TPST2: variants seen among roughly 807,000 people sequenced by gnomAD.
The protein encoded by TPST2 is tyrosylprotein sulfotransferase 2, also known as protein-tyrosine sulfotransferase 2.
In TPST2, 16 loss-of-function variants were observed where a neutral mutation model predicts 27.8. The observed-to-expected ratio is 0.58, with a 90% CI of 0.39 to 0.88. TPST2 has a LOEUF of 0.88. TPST2 is among the 40% of genes least tolerant of loss of function. TPST2 has a pLI of 0.00. For missense variants in TPST2, 464 were observed against 543.1 expected (o/e 0.85, Z 1.45); for synonymous variants, 229 against 231.7 (o/e 0.99, Z 0.10).
chr22:26,554,636 C>A (rs909023564), intron 1 of TPST2, among the ~76,000 whole-genome samples: 1 of 152,212 alleles, frequency 6.6e-6, no homozygotes, highest in Non-Finnish European at 1.5e-5. Flanking sequence ...AGGCCATTAA[C>A]ACTTGTGAAG....
At position 26,524,401 on chromosome 22, in the gene TPST2, G is replaced by C. The variant is rs549249441; in HGVS notation, c.*1874C>G. On this transcript the variant is annotated 3_prime_UTR_variant, in exon 7 of 7. Transcript: ENST00000338754. ...GTGGTGGCACATGCCCAGCTACTCA[G>C]GAGGCTAAGATGGGAGGATCACCTG... is the stretch of plus-strand genomic sequence containing the variant. 1 of 152,176 alleles carries C rather than the reference G, an allele frequency of 6.6e-6. No homozygotes were observed. The highest frequency in any genetic ancestry group is 1.5e-5 in the Non-Finnish European group (1 of 68,060). The allele number at this position is 152,176 out of a possible 1,614,324, so 9.4% of individuals were successfully genotyped here. A position where few individuals can be genotyped will look rare whatever the true frequency, so the allele number is the denominator to read the frequency against.
At chr22:26,544,773 C>G (rs1375007025) in intron 1 of TPST2, 98 bp from the exon 2 acceptor site, 2 of 620,198 alleles carry the variant, frequency 3.2e-6, no homozygotes, top group Admixed American at 6.3e-5. Context: ...CCCAAGAGCA[C>G]TGGACAGTGA....
intron 4 of TPST2, among the ~76,000 whole-genome samples, 195 bp from the exon 5 acceptor site, chr22:26,532,940 G>C (rs1602252428): frequency 6.6e-6 from 1 of 152,130 alleles, no homozygotes; most frequent in East Asian, 1.9e-4. Flanking sequence ...ATGTTAACCA[G>C]ATAATGGAAA....
chr22:26,559,084 G>A (rs1198068667), intron 1 of TPST2, among the ~76,000 whole-genome samples: 1 of 152,226 alleles, frequency 6.6e-6, no homozygotes, highest in East Asian at 1.9e-4. Flanking sequence ...TACAGTTCAT[G>A]GGCCCGGCGC....
At position 26,566,312 on chromosome 22, in the gene TPST2, G is replaced by C. The variant is rs187221063; in HGVS notation, c.-160-21637C>G. Reference sequence around the variant, plus strand: ...TCACGCCTGTAATCCCAGCACTTTGGGGGGCCGAGGAAGGCGGATCACAAG... The same window carrying C: ...TCACGCCTGTAATCCCAGCACTTTGCGGGGCCGAGGAAGGCGGATCACAAG... On this transcript the variant is annotated intron_variant, in intron 1 of 6. Coordinates refer to ENST00000338754, the MANE Select transcript of TPST2 (RefSeq NM_003595.5). Among the ~76,000 whole-genome samples, 353 of 152,262 alleles carry C rather than the reference G, an allele frequency of 2.3e-3. 4 individuals are homozygous for C. The South Asian group carries it at 0.024, about 10-fold the overall frequency.
intron 1 of TPST2, chr22:26,555,188 C>G: frequency 1.9e-6 from 1 of 533,780 alleles, no homozygotes; most frequent in Non-Finnish European, 3.8e-6. Context: ...CTTGCTCCCT[C>G]TCTGTGAAAC....
At chr22:26,550,486 A>G in intron 1 of TPST2, 1 of 649,576 alleles carries the variant, frequency 1.5e-6, no homozygotes, top group Non-Finnish European at 1.9e-6. Context: ...CTCCAAGCTC[A>G]GCAGATCAGG....
intron 4 of TPST2, among the ~76,000 whole-genome samples, chr22:26,534,672 T>C (rs1266852751): frequency 6.6e-6 from 1 of 152,198 alleles, no homozygotes; most frequent in African/African-American, 2.4e-5. Context: ...ACTACTGCAG[T>C]GTCCCCAGCC....
At position 26,524,426 on chromosome 22, in the gene TPST2, G is replaced by A. The variant is rs1924720283; in HGVS notation, c.*1849C>T. ...GGAGGCTAAGATGGGAGGATCACCT[G>A]ACCCTAGGAGACCGAGGCTGCAGTG... On this transcript the variant is annotated 3_prime_UTR_variant, in exon 7 of 7. Coordinates refer to ENST00000338754, the MANE Select transcript of TPST2 (RefSeq NM_003595.5). 1 of 152,206 alleles carries A rather than the reference G, an allele frequency of 6.6e-6. No homozygotes were observed. The highest frequency in any genetic ancestry group is 2.4e-5 in the African/African-American group (1 of 41,432). The allele number at this position is 152,206 out of a possible 1,614,324, so 9.4% of individuals were successfully genotyped here. A position where few individuals can be genotyped will look rare whatever the true frequency, so the allele number is the denominator to read the frequency against.
In TPST2 at chr22:26,524,757, G is replaced by A. The variant is rs1176309382; in HGVS notation, c.*1518C>T. On this transcript the variant is annotated 3_prime_UTR_variant, in exon 7 of 7. Coordinates refer to ENST00000338754, the MANE Select transcript of TPST2 (RefSeq NM_003595.5). Reference sequence around the variant, plus strand: ...AGGCCCAGTTGGTCCCTCAGCATTTGGGGACTGTGCTATAAGGGTTAACTC... The same window carrying A: ...AGGCCCAGTTGGTCCCTCAGCATTTAGGGACTGTGCTATAAGGGTTAACTC... 6.6e-6 allele frequency: 1 copy of A among 152,212 alleles called. No individual in the cohort carries two copies. The highest frequency in any genetic ancestry group is 1.5e-5 in the Non-Finnish European group (1 of 68,044). The allele number at this position is 152,212 out of a possible 1,614,324, so 9.4% of individuals were successfully genotyped here.
intron 5 of TPST2, among the ~76,000 whole-genome samples, chr22:26,530,413 T>TA (rs1925086936): frequency 6.6e-6 from 1 of 152,212 alleles, no homozygotes; most frequent in African/African-American, 2.4e-5. Context: ...GTTTACTGAC[T>TA]GCTTACCTAA....
chr22:26,567,642 T>C (rs771518939), intron 1 of TPST2, among the ~76,000 whole-genome samples: 2 of 152,130 alleles, frequency 1.3e-5, no homozygotes, highest in African/African-American at 2.4e-5. Context: ...AAGTCATGCA[T>C]GAAAAAAGAT....
Position 26,532,681 on chromosome 22 carries a change from T to C in TPST2, c.1092+14A>G, listed in dbSNP as rs768600050. 6 of 1,613,798 alleles carry C rather than the reference T, an allele frequency of 3.7e-6. No individual in the cohort carries two copies. Among genetic ancestry groups the C allele is most frequent in the Admixed American group, 1.7e-5 (1 of 60,002 alleles). ...AGAAAGACAGAATTCGGAATTCCCC[T>C]TGGGGTTTCTAACCTGAAAATATCC... On this transcript the variant is annotated intron_variant, in intron 5 of 6. Transcript: ENST00000338754.
chr22:26,545,367 A>C (rs950492577), intron 1 of TPST2, among the ~76,000 whole-genome samples: 1 of 152,178 alleles, frequency 6.6e-6, no homozygotes, highest in Non-Finnish European at 1.5e-5. Flanking sequence ...CCTAACACTT[A>C]ATCTCCCATG....
At chr22:26,566,557 AAAAGAAAAAGAC>A (rs1927771039) in intron 1 of TPST2, among the ~76,000 whole-genome samples, 1 of 151,974 alleles carries the variant, frequency 6.6e-6, no homozygotes, top group African/African-American at 2.4e-5. Context: ...GTCTCAAAAA[AAAAGAAAAAGAC>A]AAAGAAAAAG....
At chr22:26,549,300 C>A (rs976949392) in intron 1 of TPST2, among the ~76,000 whole-genome samples, 1 of 152,132 alleles carries the variant, frequency 6.6e-6, no homozygotes, top group African/African-American at 2.4e-5. Context: ...AGAGGAAAGG[C>A]CAGTTTCCAA....
chr22:26,535,535 T>C (rs1925405206), intron 4 of TPST2, among the ~76,000 whole-genome samples: 1 of 152,206 alleles, frequency 6.6e-6, no homozygotes, highest in Admixed American at 6.5e-5. Context: ...CTCAGCACTT[T>C]GGGAAGAGTG....
chr22:26,522,213 G>C lies in TPST2; in HGVS notation c.*4062C>G, dbSNP rs527540577. 1 of 151,006 alleles carries C rather than the reference G, an allele frequency of 6.6e-6. No individual in the cohort carries two copies. Among genetic ancestry groups the C allele is most frequent in the East Asian group, 2.0e-4 (1 of 5,094 alleles). 9.4% of individuals were successfully genotyped at this position (151,006 alleles called of 1,614,324 possible). On this transcript the variant is annotated 3_prime_UTR_variant, in exon 7 of 7. Coordinates refer to ENST00000338754, the MANE Select transcript of TPST2 (RefSeq NM_003595.5). Reference sequence around the variant, plus strand: ...CATTTTACAGAAGAGGAAAACTGAGGCTCAGAGAAGGGGAGTCACTTGGCC... The same window carrying C: ...CATTTTACAGAAGAGGAAAACTGAGCCTCAGAGAAGGGGAGTCACTTGGCC...
intron 1 of TPST2, among the ~76,000 whole-genome samples, chr22:26,588,747 T>C (rs760895210): frequency 6.6e-6 from 1 of 151,460 alleles, no homozygotes; most frequent in Admixed American, 6.6e-5. Context: ...GGAAGGAAAA[T>C]GCGTCGCCCG....
Sources: allele counts gnomAD v4.1 joint callset (sites outside exome capture counted in the v4.1 genomes callset), GRCh38; gene constraint gnomAD v4.1.1; transcripts MANE v1.5; gene names NCBI Gene and HGNC (gene_info 2026-07-23, HGNC 2026-07-21).